Variants in ALCAM observed in about 807,000 individuals in gnomAD.
ALCAM encodes activated leukocyte cell adhesion molecule, also known as CD166 antigen.
Under a neutral mutation model 70.9 loss-of-function variants are expected in ALCAM, and 30 were observed. The ratio of observed to expected loss-of-function variants is 0.42; its 90% CI spans 0.32 to 0.57. ALCAM has a LOEUF of 0.57. Among genes scored for constraint, ALCAM ranks in the 20% least tolerant of loss-of-function variants. The pLI, the probability that ALCAM is intolerant of heterozygous loss-of-function variation, is 0.11. For missense variants in ALCAM, 591 were observed against 695.1 expected (o/e 0.85, Z 1.68); for synonymous variants, 249 against 242.5 (o/e 1.03, Z -0.25).
chr3:105,476,564 A>T (rs1416755907), intron 1 of ALCAM, among the ~76,000 whole-genome samples: 1 of 152,012 alleles, frequency 6.6e-6, no homozygotes, highest in Non-Finnish European at 1.5e-5. Context: ...TAGTATATTT[A>T]TTCAACTGCC....
chr3:105,423,079 G>A (rs1936708096), intron 1 of ALCAM, among the ~76,000 whole-genome samples: 1 of 151,454 alleles, frequency 6.6e-6, no homozygotes, highest in Non-Finnish European at 1.5e-5. Flanking sequence ...AGAGCAAGAT[G>A]AAATAGAAAT....
intron 14 of ALCAM, among the ~76,000 whole-genome samples, chr3:105,566,120 T>A (rs1485379660): frequency 6.6e-6 from 1 of 152,180 alleles, no homozygotes; most frequent in Non-Finnish European, 1.5e-5. Flanking sequence ...TAAAAATACA[T>A]GTTTATGGCA....
chr3:105,485,289 A>G (rs1390395588), intron 1 of ALCAM, among the ~76,000 whole-genome samples: 2 of 152,052 alleles, frequency 1.3e-5, no homozygotes, highest in Non-Finnish European at 2.9e-5. Flanking sequence ...CAGCATTGAT[A>G]TACATTTGGA....
intron 1 of ALCAM, among the ~76,000 whole-genome samples, chr3:105,449,879 A>G (rs912435563): frequency 1.3e-5 from 2 of 152,202 alleles, no homozygotes; most frequent in Non-Finnish European, 2.9e-5. Context: ...ACAGCAATAT[A>G]CTACTTTCAT....
At chr3:105,533,730 G>T in intron 5 of ALCAM, 40 bp downstream of exon 5, 3 of 1,552,776 alleles carry the variant, frequency 1.9e-6, no homozygotes, top group South Asian at 1.1e-5. Flanking sequence ...ACATTCAGAG[G>T]ACCTGTTCTG....
At chr3:105,414,566 C>T (rs554399813) in intron 1 of ALCAM, among the ~76,000 whole-genome samples, 2 of 152,162 alleles carry the variant, frequency 1.3e-5, no homozygotes, top group East Asian at 1.9e-4. Context: ...GAAGTTTAAA[C>T]GCTCTCTAGA....
Position 105,367,205 on chromosome 3 carries a change from A to C in ALCAM, c.-204A>C. On this transcript the variant is annotated 5_prime_UTR_variant, in exon 1 of 16. Transcript: ENST00000306107. ...GGGCTGGTGTTGACCGGGAGGGAGG[A>C]GGAGTTGGGGGCATTGCGTGGTGGA... 1.8e-6 allele frequency: 1 copy of C among 564,154 alleles called. No individual in the cohort carries two copies. 34.9% of individuals were successfully genotyped at this position (564,154 alleles called of 1,614,324 possible). A position where few individuals can be genotyped will look rare whatever the true frequency, so the allele number is the denominator to read the frequency against.
chr3:105,538,966 G>A (rs948597024), intron 6 of ALCAM, among the ~76,000 whole-genome samples: 8 of 152,012 alleles, frequency 5.3e-5, no homozygotes, highest in East Asian at 1.9e-4. Context: ...ATAAATGACC[G>A]CAAGAGATAG....
At chr3:105,419,580 A>C (rs1936593707) in intron 1 of ALCAM, among the ~76,000 whole-genome samples, 1 of 151,762 alleles carries the variant, frequency 6.6e-6, no homozygotes, top group South Asian at 2.1e-4. Flanking sequence ...TGACAGGGAA[A>C]GTCCAGGGAC....
At chr3:105,424,963 G>T (rs530377866) in intron 1 of ALCAM, among the ~76,000 whole-genome samples, 1 of 151,870 alleles carries the variant, frequency 6.6e-6, no homozygotes, top group East Asian at 1.9e-4. Flanking sequence ...CATGCAGTAA[G>T]TGGTAGAACT....
At chr3:105,552,983 A>G in intron 14 of ALCAM, 1 of 1,017,188 alleles carries the variant, frequency 9.8e-7, no homozygotes, top group South Asian at 3.8e-5. Context: ...GCAGTGACAC[A>G]TCTGGCCAGC....
intron 1 of ALCAM, among the ~76,000 whole-genome samples, chr3:105,417,182 T>G (rs1303521201): frequency 6.6e-6 from 1 of 151,828 alleles, no homozygotes; most frequent in Non-Finnish European, 1.5e-5. Context: ...CCAGGAAGGC[T>G]CTTATGTCGC....
intron 1 of ALCAM, among the ~76,000 whole-genome samples, chr3:105,370,605 C>T (rs1935200251): frequency 6.6e-6 from 1 of 151,978 alleles, no homozygotes; most frequent in Non-Finnish European, 1.5e-5. Flanking sequence ...TCAGTCTAGA[C>T]AAAATTCATA....
chr3:105,481,622 A>G (rs1329798391), intron 1 of ALCAM, among the ~76,000 whole-genome samples: 2 of 152,208 alleles, frequency 1.3e-5, no homozygotes, highest in African/African-American at 4.8e-5. Flanking sequence ...CAACAAGTCC[A>G]TAAATACAGT....
rs138667471 is a variant in ALCAM at position 105,391,153 on chromosome 3, G to A, written c.73+23672G>A. Among the ~76,000 whole-genome samples the A allele has an allele frequency of 8.3e-4, 126 of 152,156 alleles. 1 individual carries two copies. The highest frequency in any genetic ancestry group is 2.7e-3 in the African/African-American group (113 of 41,526). On this transcript the variant is annotated intron_variant, in intron 1 of 15. Coordinates refer to ENST00000306107, the MANE Select transcript of ALCAM (RefSeq NM_001627.4). ...TGAAGAAAGTCAGTGGTAGCTTGATGGTAATAGCATTGAATCTACAAATTA... is the reference window on the plus strand; with the variant it reads ...TGAAGAAAGTCAGTGGTAGCTTGATAGTAATAGCATTGAATCTACAAATTA...
chr3:105,427,742 C>T (rs752249514), intron 1 of ALCAM, among the ~76,000 whole-genome samples: 2 of 151,822 alleles, frequency 1.3e-5, no homozygotes, highest in Non-Finnish European at 1.5e-5. Context: ...AGAGTTTCTC[C>T]GATTTTTAGA....
intron 1 of ALCAM, among the ~76,000 whole-genome samples, chr3:105,456,927 T>A (rs1043245706): frequency 4.6e-5 from 7 of 152,200 alleles, no homozygotes; most frequent in Non-Finnish European, 8.8e-5. Context: ...GATTTTAAAT[T>A]AATGTACGTT....
At chr3:105,423,268 C>T (rs932103573) in intron 1 of ALCAM, among the ~76,000 whole-genome samples, 1 of 151,282 alleles carries the variant, frequency 6.6e-6, no homozygotes, top group African/African-American at 2.4e-5. Flanking sequence ...ATATCTGATG[C>T]ACTTTTTCAG....
intron 14 of ALCAM, among the ~76,000 whole-genome samples, chr3:105,571,307 G>C (rs1008817030): frequency 6.6e-6 from 1 of 152,178 alleles, no homozygotes; most frequent in Non-Finnish European, 1.5e-5. Context: ...AACCAGCCAC[G>C]TTAAAGTTGC....
Sources: allele counts gnomAD v4.1 joint callset (sites outside exome capture counted in the v4.1 genomes callset), GRCh38; gene constraint gnomAD v4.1.1; transcripts MANE v1.5; gene names NCBI Gene and HGNC (gene_info 2026-07-23, HGNC 2026-07-21).